Variants in CPNE8 observed in about 807,000 individuals in gnomAD.
The protein encoded by CPNE8 is copine-8.
Under a neutral mutation model 81.5 loss-of-function variants are expected in CPNE8, and 45 were observed. That is an observed-to-expected ratio of 0.55 (90% CI 0.44 to 0.71). The LOEUF (loss-of-function observed/expected upper bound fraction) is 0.71, where lower values mean the gene tolerates loss of function less well. Ranked by LOEUF, CPNE8 falls within the 30% of genes least tolerant of loss-of-function variation. The pLI is 0.00. For missense variants in CPNE8, 594 were observed against 672.1 expected (o/e 0.88, Z 1.28); for synonymous variants, 252 against 226.3 (o/e 1.11, Z -1.02).
chr12:38,770,517 C>T (rs1941779805), intron 7 of CPNE8, among the ~76,000 whole-genome samples: 1 of 152,202 alleles, frequency 6.6e-6, no homozygotes, highest in Non-Finnish European at 1.5e-5. Context: ...GAATAAAAGT[C>T]TTGAAACATG....
intron 13 of CPNE8, among the ~76,000 whole-genome samples, chr12:38,704,826 G>GAATATATATGTGTATATA (rs1940050933): frequency 6.0e-5 from 3 of 50,200 alleles, no homozygotes; most frequent in African/African-American, 1.4e-4. Flanking sequence ...GTATGTATGT[G>GAATATATATGTGTATATA]TATATATATA....
intron 19 of CPNE8, among the ~76,000 whole-genome samples, chr12:38,659,386 C>T (rs1207749021): frequency 6.6e-6 from 1 of 152,032 alleles, no homozygotes; most frequent in Non-Finnish European, 1.5e-5. Context: ...ACAAGAGCAC[C>T]CAGATTCATA....
chr12:38,825,079 C>T (rs1027101462), intron 6 of CPNE8, among the ~76,000 whole-genome samples: 4 of 152,142 alleles, frequency 2.6e-5, no homozygotes, highest in Non-Finnish European at 4.4e-5. Context: ...AAGAGCTATA[C>T]CATAAATACC....
At chr12:38,774,277 A>G (rs1039787656) in intron 7 of CPNE8, among the ~76,000 whole-genome samples, 7 of 152,128 alleles carry the variant, frequency 4.6e-5, no homozygotes, top group African/African-American at 1.7e-4. Flanking sequence ...TGCTCAATAA[A>G]CTCAAGATTT....
Position 38,843,615 on chromosome 12 carries a change from G to A in CPNE8, c.291-3660C>T, listed in dbSNP as rs565813452. ...GTCCACCCTGGGGCTGTCAATAAAA[G>A]AGAAACTCACTAGGAAGTTCTAGAA... On this transcript the variant is annotated intron_variant, in intron 4 of 19. Transcript: ENST00000331366. 2.6e-5 allele frequency among the ~76,000 whole-genome samples: 4 copies of A among 152,184 alleles called. No homozygotes were observed. The East Asian group carries it at 7.7e-4, about 29-fold the overall frequency.
chr12:38,740,145 A>T (rs979728926), intron 10 of CPNE8, among the ~76,000 whole-genome samples: 1 of 152,162 alleles, frequency 6.6e-6, no homozygotes, highest in Admixed American at 6.5e-5. Context: ...TAGGTATTTT[A>T]TTCTCTTAGA....
intron 8 of CPNE8, among the ~76,000 whole-genome samples, chr12:38,763,605 TA>T: frequency 6.6e-6 from 1 of 152,298 alleles, no homozygotes; most frequent in South Asian, 2.1e-4. Context: ...CATGAAGCCT[TA>T]AGCTCGGTTT....
At chr12:38,663,395 A>G (rs555135072) in intron 19 of CPNE8, among the ~76,000 whole-genome samples, 2 of 152,278 alleles carry the variant, frequency 1.3e-5, no homozygotes, top group East Asian at 3.9e-4. Flanking sequence ...CCAAAAATAA[A>G]TGAGAAAATG....
chr12:38,707,119 GC>G (rs1224635606), intron 13 of CPNE8, among the ~76,000 whole-genome samples: 4 of 152,064 alleles, frequency 2.6e-5, no homozygotes, highest in Non-Finnish European at 4.4e-5. Flanking sequence ...TTCCAGACCA[GC>G]CTGGGCAACA....
chr12:38,733,273 C>T (rs924306489), intron 10 of CPNE8, among the ~76,000 whole-genome samples: 4 of 151,828 alleles, frequency 2.6e-5, no homozygotes, highest in African/African-American at 9.7e-5. Context: ...AAATACTATA[C>T]ATTAAATCAC....
chr12:38,682,856 G>A (rs1386178314), intron 16 of CPNE8, among the ~76,000 whole-genome samples: 1 of 152,132 alleles, frequency 6.6e-6, no homozygotes, highest in African/African-American at 2.4e-5. Flanking sequence ...AGTGCTGGTT[G>A]AATACTGGAT....
intron 14 of CPNE8, among the ~76,000 whole-genome samples, chr12:38,700,189 T>C (rs1050742663): frequency 1.3e-5 from 2 of 152,054 alleles, no homozygotes; most frequent in African/African-American, 4.8e-5. Flanking sequence ...AAGTATCATG[T>C]TATTTGTGGA....
chr12:38,784,283 G>T (rs910214564), intron 6 of CPNE8, among the ~76,000 whole-genome samples: 1 of 152,124 alleles, frequency 6.6e-6, no homozygotes, highest in Admixed American at 6.5e-5. Flanking sequence ...GAATTAGTGA[G>T]CTTGAAGACA....
chr12:38,889,214 G>A (rs770506061), intron 1 of CPNE8, among the ~76,000 whole-genome samples: 4 of 151,950 alleles, frequency 2.6e-5, no homozygotes, highest in African/African-American at 4.8e-5. Context: ...TAAGGAGACA[G>A]ATTTATAAAC....
At position 38,873,037 on chromosome 12, in the gene CPNE8, A is replaced by G; in HGVS notation, c.153T>C (p.Tyr51=). ...FSKSDPICVL[Y]VQGVGNKEWR... is the part of the protein sequence containing the mutation. ...ATTCTTTATTTCCAACTCCTTGTAC[A>G]TATAAGACACAAACTACAAAAGATG... Residue 51 remains tyrosine, a synonymous_variant, in exon 3 of 20, where the codon TAT becomes TAC. Coordinates refer to ENST00000331366, the MANE Select transcript of CPNE8 (RefSeq NM_153634.3). The G allele has an allele frequency of 6.4e-7, 1 of 1,555,496 alleles. No individual in the cohort carries two copies. Among genetic ancestry groups the G allele is most frequent in the Non-Finnish European group, 8.8e-7 (1 of 1,132,624 alleles).
intron 3 of CPNE8, among the ~76,000 whole-genome samples, chr12:38,865,760 A>T (rs1943904430): frequency 6.6e-6 from 1 of 152,200 alleles, no homozygotes; most frequent in Admixed American, 6.5e-5. Context: ...ATAAAAAGGT[A>T]TATTAAAAAT....
chr12:38,746,335 G>C (rs996539748), intron 10 of CPNE8, among the ~76,000 whole-genome samples: 1 of 152,160 alleles, frequency 6.6e-6, no homozygotes, highest in African/African-American at 2.4e-5. Flanking sequence ...GGGGGAAAGA[G>C]GTCAGGCTTT....
intron 1 of CPNE8, among the ~76,000 whole-genome samples, chr12:38,885,318 G>T (rs2137130045): frequency 6.6e-6 from 1 of 152,198 alleles, no homozygotes; most frequent in African/African-American, 2.4e-5. Flanking sequence ...ATGACTTAAA[G>T]AAGTGAATTG....
intron 3 of CPNE8, among the ~76,000 whole-genome samples, chr12:38,871,781 G>A (rs1248074687): frequency 6.6e-6 from 1 of 152,182 alleles, no homozygotes; most frequent in African/African-American, 2.4e-5. Context: ...AGAAGAAGCA[G>A]ACATAGCATA....
Sources: gnomAD v4.1 joint callset for allele counts (sites outside exome capture counted in the v4.1 genomes callset) on GRCh38, gnomAD v4.1.1 for gene constraint, MANE v1.5 for transcripts, NCBI Gene and HGNC (gene_info 2026-07-23, HGNC 2026-07-21) for gene names.